The following KCNIP4 variants were observed in gnomAD, a reference collection of about 807,000 sequenced individuals.
KCNIP4 encodes potassium voltage-gated channel interacting protein 4, also known as Kv channel-interacting protein 4.
A neutral mutation model predicts 34.0 loss-of-function variants in KCNIP4; 12 were observed. That is an observed-to-expected ratio of 0.35 (90% CI 0.23 to 0.57). KCNIP4 has a LOEUF of 0.57. Among genes scored for constraint, KCNIP4 ranks in the 20% least tolerant of loss-of-function variants. The pLI is 0.83. For synonymous variants in KCNIP4, 124 were observed against 102.2 expected, an observed-to-expected ratio of 1.21 and a Z score of -1.29; for missense variants, 238 against 311.7, an observed-to-expected ratio of 0.76 and a Z score of 1.78.
chr4:21,443,647 C>T (rs996976517), intron 1 of KCNIP4, among the ~76,000 whole-genome samples: 8 of 152,140 alleles, frequency 5.3e-5, no homozygotes, highest in African/African-American at 1.9e-4. Flanking sequence ...AGAATTTGGA[C>T]TCAAGATTGA....
intron 5 of KCNIP4, among the ~76,000 whole-genome samples, chr4:20,746,671 G>A (rs953830529): frequency 6.6e-6 from 1 of 152,094 alleles, no homozygotes; most frequent in African/African-American, 2.4e-5. Flanking sequence ...TTTGATTGCT[G>A]ATGTTTTAGC....
At chr4:21,809,064 T>A (rs1170276638) in intron 1 of KCNIP4, among the ~76,000 whole-genome samples, 5 of 152,216 alleles carry the variant, frequency 3.3e-5, no homozygotes, top group African/African-American at 1.2e-4. Flanking sequence ...TTGACTGGGC[T>A]GTGGGATACC....
rs1410155975 is a variant in KCNIP4 at position 21,450,152 on chromosome 4, T to C, written c.61+498419A>G. Among the ~76,000 whole-genome samples, 3 of 152,130 alleles carry C rather than the reference T, an allele frequency of 2.0e-5. No homozygotes were observed. In the East Asian group the frequency reaches 5.8e-4, roughly 29 times the overall value. On this transcript the variant is annotated intron_variant, in intron 1 of 8. Coordinates refer to ENST00000382152, the MANE Select transcript of KCNIP4 (RefSeq NM_025221.6). ...AAGCAAATTAGAATAATACCTAATC[T>C]AGATGAGAAAGTCTTCAGAAAATAC...
intron 1 of KCNIP4, among the ~76,000 whole-genome samples, chr4:21,299,958 A>G (rs1222576630): frequency 6.6e-6 from 1 of 152,180 alleles, no homozygotes; most frequent in Non-Finnish European, 1.5e-5. Context: ...AAGACAGCCT[A>G]GTCCTTACCC....
intron 2 of KCNIP4, among the ~76,000 whole-genome samples, chr4:20,863,754 C>T (rs1722456755): frequency 6.6e-6 from 1 of 152,002 alleles, no homozygotes; most frequent in Non-Finnish European, 1.5e-5. Context: ...TCATTAATAC[C>T]TGGGTATTTT....
chr4:20,988,029 A>G (rs1201098155), intron 1 of KCNIP4, among the ~76,000 whole-genome samples: 2 of 150,124 alleles, frequency 1.3e-5, no homozygotes, highest in Non-Finnish European at 3.0e-5. Flanking sequence ...AAAATTATAG[A>G]TATTAACTAA....
chr4:21,003,557 G>A (rs368185834), intron 1 of KCNIP4, among the ~76,000 whole-genome samples: 5 of 152,244 alleles, frequency 3.3e-5, no homozygotes, highest in Admixed American at 6.5e-5. Context: ...AATAGAAACT[G>A]GAGAGAACTT....
At chr4:21,030,292 C>T (rs1249890826) in intron 1 of KCNIP4, among the ~76,000 whole-genome samples, 1 of 152,078 alleles carries the variant, frequency 6.6e-6, no homozygotes, top group African/African-American at 2.4e-5. Flanking sequence ...TTATGAGAAT[C>T]TAATGCCTGA....
intron 2 of KCNIP4, among the ~76,000 whole-genome samples, chr4:20,868,287 A>T (rs73242538): frequency 0.065 from 9,936 of 152,214 alleles, 419 homozygotes; most frequent in Middle Eastern, 0.11. Flanking sequence ...AATCTAAATT[A>T]CAATGAGATA....
At chr4:21,422,227 G>T (rs1021858567) in intron 1 of KCNIP4, among the ~76,000 whole-genome samples, 1 of 144,698 alleles carries the variant, frequency 6.9e-6, no homozygotes, top group East Asian at 2.0e-4. Flanking sequence ...ACGGAGTCTC[G>T]CTTTGTCGCC....
chr4:21,150,141 T>C (rs1375547105), intron 1 of KCNIP4, among the ~76,000 whole-genome samples: 1 of 152,124 alleles, frequency 6.6e-6, no homozygotes, highest in Non-Finnish European at 1.5e-5. Flanking sequence ...CCCTTGGAGA[T>C]GGTATGAGAC....
chr4:21,259,885 C>CTGTGTG (rs4054880), intron 1 of KCNIP4, among the ~76,000 whole-genome samples: 29,912 of 145,808 alleles, frequency 0.21, 3,432 homozygotes, highest in Admixed American at 0.28. Context: ...GCGCCCAAGA[C>CTGTGTG]TGTGTGTGTG....
intron 1 of KCNIP4, among the ~76,000 whole-genome samples, chr4:21,253,766 T>C (rs1181943882): frequency 3.3e-5 from 5 of 152,182 alleles, no homozygotes; most frequent in Non-Finnish European, 7.3e-5. Flanking sequence ...TGCATGTTAA[T>C]AGCAGCACTA....
chr4:21,651,873 G>A (rs1747506475), intron 1 of KCNIP4, among the ~76,000 whole-genome samples: 2 of 151,752 alleles, frequency 1.3e-5, no homozygotes, highest in South Asian at 4.2e-4. Flanking sequence ...ATACATCTAT[G>A]TATATATATA....
intron 1 of KCNIP4, among the ~76,000 whole-genome samples, chr4:21,752,942 G>A (rs1717251935): frequency 6.6e-6 from 1 of 152,172 alleles, no homozygotes; most frequent in Non-Finnish European, 1.5e-5. Flanking sequence ...CTGCTGCATA[G>A]CATATTGAAT....
intron 6 of KCNIP4, 59 bp from the exon 7 acceptor site, chr4:20,732,844 G>C: frequency 9.6e-7 from 1 of 1,040,456 alleles, no homozygotes; most frequent in Non-Finnish European, 1.4e-6. Flanking sequence ...ACCAGTCTAA[G>C]AAGCTCTGAC....
At chr4:21,456,340 C>A (rs1728952971) in intron 1 of KCNIP4, among the ~76,000 whole-genome samples, 1 of 147,662 alleles carries the variant, frequency 6.8e-6, no homozygotes, top group Non-Finnish European at 1.5e-5. Context: ...AGTCTAAGCA[C>A]GTTTGAATGA....
chr4:21,037,975 GTTTGTT>G (rs200221696), intron 1 of KCNIP4, among the ~76,000 whole-genome samples: 3,744 of 148,558 alleles, frequency 0.025, 143 homozygotes, highest in African/African-American at 0.086. Context: ...GTTTTTTTTT[GTTTGTT>G]TTTGTTTTTG....
chr4:21,151,705 C>A (rs1752771843), intron 1 of KCNIP4, among the ~76,000 whole-genome samples: 1 of 152,138 alleles, frequency 6.6e-6, no homozygotes, highest in Admixed American at 6.5e-5. Context: ...GGGCACGATT[C>A]AGTCCACAGC....
Sources: gnomAD v4.1 joint callset for allele counts (sites outside exome capture counted in the v4.1 genomes callset) on GRCh38, gnomAD v4.1.1 for gene constraint, MANE v1.5 for transcripts, NCBI Gene and HGNC (gene_info 2026-07-23, HGNC 2026-07-21) for gene names.